The following SLC2A11 variants were observed in gnomAD, a reference collection of about 807,000 sequenced individuals.
The protein encoded by SLC2A11 is solute carrier family 2, facilitated glucose transporter member 11.
In SLC2A11, 43 loss-of-function variants were observed where a neutral mutation model predicts 52.1. The ratio of observed to expected loss-of-function variants is 0.82; its 90% CI spans 0.65 to 1.06. SLC2A11 has a LOEUF of 1.06. Among genes scored for constraint, SLC2A11 ranks in the 50% least tolerant of loss-of-function variants. The pLI, the probability that SLC2A11 is intolerant of heterozygous loss-of-function variation, is 0.00. For synonymous variants in SLC2A11, 261 were observed against 277.6 expected, an observed-to-expected ratio of 0.94 and a Z score of 0.59; for missense variants, 582 against 654.2, an observed-to-expected ratio of 0.89 and a Z score of 1.20.
At position 23,884,876 on chromosome 22, in the gene SLC2A11, C is replaced by T. The variant is rs1442334706; in HGVS notation, c.*27C>T. Reference sequence around the variant, plus strand: ...CCCAAAGGGGTGGCCAGAGCCAAAGCCAGCTACTGTCCTGTCCTCTGCTTC... The same window carrying T: ...CCCAAAGGGGTGGCCAGAGCCAAAGTCAGCTACTGTCCTGTCCTCTGCTTC... On this transcript the variant is annotated 3_prime_UTR_variant, in exon 12 of 12. Transcript: ENST00000316185. This position sits in a 1 kb window ranked among gnomAD's most constrained non-coding sequence, Gnocchi z 4.3. 6.2e-7 allele frequency: 1 copy of T among 1,600,686 alleles called. No individual in the cohort carries two copies. Among genetic ancestry groups the T allele is most frequent in the Non-Finnish European group, 8.6e-7 (1 of 1,168,852 alleles).
At chr22:23,873,941 G>A (rs1179698528) in intron 3 of SLC2A11, among the ~76,000 whole-genome samples, 1 of 152,150 alleles carries the variant, frequency 6.6e-6, no homozygotes. Flanking sequence ...GGCCACTTCT[G>A]GTCTTCAGTT....
At chr22:23,880,226 C>T (rs1372330507) in intron 6 of SLC2A11, among the ~76,000 whole-genome samples, 1 of 136,048 alleles carries the variant, frequency 7.4e-6, no homozygotes, top group Non-Finnish European at 1.5e-5. Context: ...GCACACTGCA[C>T]TCCAGCCTGG....
At chr22:23,872,490 G>A (rs1404783044) in intron 3 of SLC2A11, 1 of 152,208 alleles carries the variant, frequency 6.6e-6, no homozygotes, top group African/African-American at 2.4e-5. Flanking sequence ...AAAGCTAAAG[G>A]GTTGAGTGGC....
rs958855416 is a variant in SLC2A11, at chr22:23,885,052, C to T, written c.*203C>T. On this transcript the variant is annotated 3_prime_UTR_variant, in exon 12 of 12. Transcript: ENST00000316185. ...TAAAGGTAATTAACTGACAGAAAAT[C>T]AGTAACAACATAATTACAGGCTGGT... The T allele has an allele frequency of 1.2e-5, 7 of 574,248 alleles. No homozygotes were observed. Among genetic ancestry groups the T allele is most frequent in the African/African-American group, 1.1e-4 (6 of 52,952 alleles). The allele number at this position is 574,248 out of a possible 1,614,324, so 35.6% of individuals were successfully genotyped here.
In SLC2A11 at chr22:23,877,089, A is replaced by G; in HGVS notation, c.463A>G (p.Lys155Glu). ...QPMYLGESAP[K>E]ELRGAVAMSS... ...CATGTACCTGGGGGAGAGCGCCCCT[A>G]AGGAGCTCCGAGGAGCTGTGGCCAT... Residue 155 changes from lysine (K) to glutamate (E), a missense_variant, in exon 5 of 12, where the codon AAG (lysine) becomes GAG (glutamate). Transcript: ENST00000316185. 6.2e-7 allele frequency: 1 copy of G among 1,613,918 alleles called. No homozygotes were observed. Among genetic ancestry groups the G allele is most frequent in the Non-Finnish European group, 8.5e-7 (1 of 1,179,954 alleles).
At chr22:23,863,607 G>GTTTT (rs1568985269) in intron 2 of SLC2A11, among the ~76,000 whole-genome samples, 3,941 of 112,918 alleles carry the variant, frequency 0.035, 151 homozygotes, top group Middle Eastern at 0.091. Context: ...CTCTCTCTCT[G>GTTTT]GTTTTTTTTT....
chr22:23,858,807 A>G (rs1017030206), intron 1 of SLC2A11, among the ~76,000 whole-genome samples: 1 of 152,212 alleles, frequency 6.6e-6, no homozygotes, highest in African/African-American at 2.4e-5. Flanking sequence ...GATGTACTAT[A>G]TATTTTGCTT....
In SLC2A11 at chr22:23,859,834, CT is replaced by C. The variant is rs1347864433; in HGVS notation, c.30+1806del. On this transcript the variant is annotated intron_variant, in intron 1 of 11. Coordinates refer to ENST00000316185, the MANE Select transcript of SLC2A11 (RefSeq NM_001024939.4). Reference sequence around the variant, plus strand: ...TAAATGAATAAATAGTCCGTAGGTTCTGGAAACTTCAGAAAACCTTAGCCAA... The same window carrying C: ...TAAATGAATAAATAGTCCGTAGGTTCGGAAACTTCAGAAAACCTTAGCCAA... Among the ~76,000 whole-genome samples, 5 of 152,358 alleles carry C rather than the reference CT, an allele frequency of 3.3e-5. No homozygotes were observed. In the South Asian group the frequency reaches 8.3e-4, roughly 25 times the overall value.
intron 4 of SLC2A11, among the ~76,000 whole-genome samples, chr22:23,875,963 G>A (rs930686335): frequency 6.6e-6 from 1 of 152,146 alleles, no homozygotes; most frequent in Non-Finnish European, 1.5e-5. Context: ...GGGGCTGGAG[G>A]ATCCACTTCC....
chr22:23,880,127 G>C (rs1330942645), intron 6 of SLC2A11, among the ~76,000 whole-genome samples: 1 of 151,756 alleles, frequency 6.6e-6, no homozygotes, highest in African/African-American at 2.4e-5. Context: ...CAGGAGAATT[G>C]CTTGAACCCG....
intron 3 of SLC2A11, 144 bp downstream of exon 3, chr22:23,868,785 T>C (rs889284793): frequency 3.1e-6 from 3 of 957,848 alleles, no homozygotes; most frequent in Non-Finnish European, 4.6e-6. Context: ...CTGCCTGGAG[T>C]TTCACCTTGC....
chr22:23,863,302 G>A (rs2032138885), intron 2 of SLC2A11, among the ~76,000 whole-genome samples: 2 of 152,276 alleles, frequency 1.3e-5, no homozygotes, highest in African/African-American at 4.8e-5. Context: ...TGTGAGGGCT[G>A]TTTTGTGTCC....
At chr22:23,869,948 A>G in intron 3 of SLC2A11, 2 of 715,050 alleles carry the variant, frequency 2.8e-6, no homozygotes, top group South Asian at 3.0e-5. Flanking sequence ...CAGCCCTTTT[A>G]TAAAGCACTA....
chr22:23,884,770 T>G lies in SLC2A11; in HGVS notation c.1421T>G (p.Leu474Ter). 1 of 1,614,146 alleles carries G rather than the reference T, an allele frequency of 6.2e-7. No individual in the cohort carries two copies. The highest frequency in any genetic ancestry group is 8.5e-7 in the Non-Finnish European group (1 of 1,180,032). ...ACCTTCCAAGAGATCTCCAAGGAAT[T>G]ACACAGACTCAACTTCCCCAGGCGG... ...GKTFQEISKE[L>*]HRLNFPRRAQ... The change falls in exon 12 of 12, where the codon TTA (leucine) becomes TGA (stop). Residue 474 changes from leucine (L) to a stop codon, truncating the protein, a stop_gained. Transcript: ENST00000316185. LOFTEE classifies it low-confidence loss of function (END_TRUNC). The surrounding 1 kb of genome is among the most constrained non-coding windows in gnomAD (Gnocchi z 4.3).
chr22:23,862,449 C>G (rs1476001167), intron 2 of SLC2A11: 1 of 487,602 alleles, frequency 2.1e-6, no homozygotes, highest in Non-Finnish European at 3.7e-6. Context: ...GGGGGGTCAG[C>G]CTTGACTCTT....
intron 2 of SLC2A11, chr22:23,868,233 G>A: frequency 1.9e-6 from 1 of 538,976 alleles, no homozygotes; most frequent in Non-Finnish European, 3.3e-6. Flanking sequence ...TCGCAGAGAG[G>A]GGCAAATGGA....
At chr22:23,862,052 G>T in intron 1 of SLC2A11, 52 bp from the exon 2 acceptor site, 2 of 1,454,656 alleles carry the variant, frequency 1.4e-6, no homozygotes, top group Non-Finnish European at 1.9e-6. Flanking sequence ...CTGGTCCAGG[G>T]AGGGGGTGGA....
intron 6 of SLC2A11, chr22:23,881,219 T>A (rs945166213): frequency 1.6e-4 from 25 of 152,292 alleles, no homozygotes; most frequent in African/African-American, 5.5e-4. Flanking sequence ...ATGGCTCTGC[T>A]GATCTTGGTC....
chr22:23,857,203 G>T (rs545943900), upstream of SLC2A11: 3 of 767,922 alleles, frequency 3.9e-6, no homozygotes, highest in Non-Finnish European at 6.3e-6. Context: ...GCAGGGAATC[G>T]CGCAGGGTTG....
Sources: gnomAD v4.1 joint callset for allele counts (sites outside exome capture counted in the v4.1 genomes callset) on GRCh38, gnomAD v4.1.1 for gene constraint, Gnocchi (gnomAD v3.1) non-coding constraint, MANE v1.5 for transcripts, NCBI Gene and HGNC (gene_info 2026-07-23, HGNC 2026-07-21) for gene names.